ARHGAP32: variants seen among roughly 807,000 people sequenced by gnomAD.
ARHGAP32 encodes the protein rho GTPase-activating protein 32.
A neutral mutation model predicts 186.5 loss-of-function variants in ARHGAP32; 51 were observed. The observed-to-expected ratio is 0.27, with a 90% CI of 0.22 to 0.35. The LOEUF (loss-of-function observed/expected upper bound fraction) is 0.35. Ranked by LOEUF, ARHGAP32 falls within the 10% of genes least tolerant of loss-of-function variation. ARHGAP32 has a pLI of 1.00. For synonymous variants in ARHGAP32, 950 were observed against 964.3 expected (o/e 0.99, Z 0.27); for missense variants, 2,186 against 2,623.5 (o/e 0.83, Z 3.64).
At chr11:129,129,660 A>T (rs1388686578) in intron 2 of ARHGAP32, among the ~76,000 whole-genome samples, 1 of 152,238 alleles carries the variant, frequency 6.6e-6, no homozygotes, top group African/African-American at 2.4e-5. Context: ...AGAAGTAGAC[A>T]TGGGAGACTC....
rs1945239180 is a variant in ARHGAP32 at position 128,967,138 on chromosome 11, ATG to A, written c.*1767_*1768del. The A allele has an allele frequency of 6.6e-6, 1 of 152,236 alleles. No individual in the cohort carries two copies. The highest frequency in any genetic ancestry group is 1.5e-5 in the Non-Finnish European group (1 of 68,034). 9.4% of individuals were successfully genotyped at this position (152,236 alleles called of 1,614,324 possible). ...CCTTATAGAATATTTCCACATATCA[ATG>A]TGTTGTTCTTGAAACATTTTATTTT... is the stretch of plus-strand genomic sequence containing the variant. On this transcript the variant is annotated 3_prime_UTR_variant, in exon 23 of 23. Coordinates refer to ENST00000682385, the MANE Select transcript of ARHGAP32 (RefSeq NM_001378024.1).
At chr11:129,010,491 A>G (rs554267372) in intron 11 of ARHGAP32, among the ~76,000 whole-genome samples, 21 of 152,262 alleles carry the variant, frequency 1.4e-4, no homozygotes, top group African/African-American at 4.8e-4. Flanking sequence ...GAAGGGGTCT[A>G]GTTTCAATTT....
At chr11:128,981,585 C>A (rs1477285488) in intron 16 of ARHGAP32, 24 bp from the exon 17 acceptor site, 1 of 1,598,380 alleles carries the variant, frequency 6.3e-7, no homozygotes, top group Admixed American at 1.7e-5. Flanking sequence ...ATTTTCATCA[C>A]AGAGTTGTAA....
At chr11:129,057,189 C>T (rs1265957455) in intron 10 of ARHGAP32, among the ~76,000 whole-genome samples, 5 of 152,260 alleles carry the variant, frequency 3.3e-5, no homozygotes, top group African/African-American at 1.2e-4. Context: ...AAGACATATG[C>T]AACACTGTGC....
chr11:129,264,492 C>T (rs531956144), intron 1 of ARHGAP32, among the ~76,000 whole-genome samples: 54 of 152,172 alleles, frequency 3.5e-4, no homozygotes, highest in African/African-American at 1.3e-3. Context: ...TAGAAGAGTT[C>T]GTAGCATGTC....
Position 128,974,372 on chromosome 11 carries a change from T to C in ARHGAP32, c.2825A>G (p.Asn942Ser), listed in dbSNP as rs1380792935. 1 of 1,614,110 alleles carries C rather than the reference T, an allele frequency of 6.2e-7. No homozygotes were observed. Among genetic ancestry groups the C allele is most frequent in the African/African-American group, 1.3e-5 (1 of 74,944 alleles). Residue 942 changes from asparagine to serine, a missense_variant, in exon 21 of 23, where the codon AAT becomes AGT. Asn to Ser is a conservative substitution (Grantham distance 46). Coordinates refer to ENST00000682385, the MANE Select transcript of ARHGAP32 (RefSeq NM_001378024.1). The stretch of plus-strand genomic sequence containing the variant: ...AGATGATGCATTCTGAGCTGTGGTA[T>C]TTGAGACTGTACCAATGACTTCTGA... Reference protein sequence around the residue: ...RVSEVIGTVSNTTAQNASSST... With the variant: ...RVSEVIGTVSSTTAQNASSST...
Position 129,123,754 on chromosome 11 carries a change from C to A in ARHGAP32, c.359+134G>T. On this transcript the variant is annotated intron_variant, in intron 4 of 22. Coordinates refer to ENST00000682385, the MANE Select transcript of ARHGAP32 (RefSeq NM_001378024.1). The surrounding 1 kb of genome is among the most constrained non-coding windows in gnomAD (Gnocchi z 4.6). ...AAAACCCAAAATAAAAAAAGCATCA[C>A]CGTTATCTCCTAATTTTGACCCGAA... The A allele has an allele frequency of 2.6e-6, 2 of 769,842 alleles. No homozygotes were observed. Among genetic ancestry groups the A allele is most frequent in the Admixed American group, 3.0e-5 (1 of 33,868 alleles). The allele number at this position is 769,842 out of a possible 1,614,324, so 47.7% of individuals were successfully genotyped here. A position where few individuals can be genotyped will look rare whatever the true frequency, so the allele number is the denominator to read the frequency against.
chr11:129,184,514 G>A (rs1166354192), intron 1 of ARHGAP32, among the ~76,000 whole-genome samples: 1 of 151,922 alleles, frequency 6.6e-6, no homozygotes, highest in Non-Finnish European at 1.5e-5. Context: ...TAAAAAAGAA[G>A]ATGAAATTAG....
intron 2 of ARHGAP32, among the ~76,000 whole-genome samples, chr11:129,146,981 C>A (rs1943179525): frequency 6.6e-6 from 1 of 151,826 alleles, no homozygotes; most frequent in African/African-American, 2.4e-5. Context: ...AAAAAGGGTC[C>A]CTAACTTACT....
intron 18 of ARHGAP32, 64 bp from the exon 19 acceptor site, chr11:128,978,979 G>T (rs569141314): frequency 6.0e-5 from 86 of 1,443,470 alleles, no homozygotes; most frequent in Non-Finnish European, 7.7e-5. Context: ...TTACAGAAAA[G>T]AAATGAACAC....
chr11:129,243,149 C>T (rs1235296158), intron 1 of ARHGAP32, among the ~76,000 whole-genome samples: 2 of 152,220 alleles, frequency 1.3e-5, no homozygotes, highest in African/African-American at 2.4e-5. Flanking sequence ...CATCTGTCCA[C>T]ATATACTAGC....
At chr11:129,238,238 C>T (rs1049844393) in intron 1 of ARHGAP32, among the ~76,000 whole-genome samples, 3 of 151,952 alleles carry the variant, frequency 2.0e-5, no homozygotes, top group African/African-American at 7.3e-5. Context: ...ATACAGAGCA[C>T]CTTCATATTA....
At chr11:129,020,245 G>C (rs1173591101) in intron 11 of ARHGAP32, among the ~76,000 whole-genome samples, 1 of 151,886 alleles carries the variant, frequency 6.6e-6, no homozygotes, top group East Asian at 1.9e-4. Context: ...AAAAATTTAA[G>C]ATAAAAAAAT....
chr11:129,261,514 A>C (rs1395840074), intron 1 of ARHGAP32, among the ~76,000 whole-genome samples: 2 of 152,172 alleles, frequency 1.3e-5, no homozygotes, highest in Non-Finnish European at 2.9e-5. Flanking sequence ...GCCTAGATGG[A>C]ATAGGTCCGG....
intron 2 of ARHGAP32, among the ~76,000 whole-genome samples, chr11:129,134,526 A>G (rs942962401): frequency 6.6e-6 from 1 of 152,238 alleles, no homozygotes; most frequent in African/African-American, 2.4e-5. Context: ...GATTTGAAAC[A>G]TATTAGCAAT....
chr11:129,119,418 A>G (rs771848774), intron 5 of ARHGAP32, among the ~76,000 whole-genome samples: 20 of 152,090 alleles, frequency 1.3e-4, no homozygotes, highest in Non-Finnish European at 2.5e-4. Context: ...TTATCATATA[A>G]GAACAAATTT....
intron 13 of ARHGAP32, among the ~76,000 whole-genome samples, chr11:128,987,605 G>A (rs1001421297): frequency 6.6e-6 from 1 of 152,140 alleles, no homozygotes; most frequent in Admixed American, 6.5e-5. Context: ...ATTTGGGGAG[G>A]ATGTGAAATA....
chr11:128,980,038 T>C (rs186340406), intron 18 of ARHGAP32, among the ~76,000 whole-genome samples: 21 of 152,328 alleles, frequency 1.4e-4, no homozygotes, highest in African/African-American at 5.1e-4. Flanking sequence ...GGGTTTCTGA[T>C]TCAGCGGGTC....
intron 1 of ARHGAP32, among the ~76,000 whole-genome samples, chr11:129,258,753 T>C (rs781571740): frequency 6.6e-6 from 1 of 152,242 alleles, no homozygotes; most frequent in Non-Finnish European, 1.5e-5. Context: ...TTCACAGGAC[T>C]ATGATGAACA....
Sources: allele counts gnomAD v4.1 joint callset (sites outside exome capture counted in the v4.1 genomes callset), GRCh38; gene constraint gnomAD v4.1.1; non-coding constraint Gnocchi (gnomAD v3.1); transcripts MANE v1.5; gene names NCBI Gene and HGNC (gene_info 2026-07-23, HGNC 2026-07-21).